STMN2: variants seen among roughly 807,000 people sequenced by gnomAD.
STMN2 encodes stathmin 2, also known as stathmin-2.
A neutral mutation model predicts 24.1 loss-of-function variants in STMN2; 2 were observed. The observed-to-expected ratio is 0.08, with a 90% CI of 0.03 to 0.26. The LOEUF (loss-of-function observed/expected upper bound fraction) is 0.26, where lower values mean the gene tolerates loss of function less well. Ranked by LOEUF, STMN2 falls within the 10% of genes least tolerant of loss-of-function variation. STMN2 has a pLI of 1.00. For missense variants in STMN2, 114 were observed against 213.6 expected (o/e 0.53, Z 2.91); for synonymous variants, 83 against 77.5 (o/e 1.07, Z -0.37).
chr8:79,647,850 C>T (rs765485467), intron 3 of STMN2, among the ~76,000 whole-genome samples: 14 of 152,154 alleles, frequency 9.2e-5, no homozygotes, highest in Non-Finnish European at 1.0e-4. Context: ...ATGCAACTGA[C>T]CCACAAGGGT....
At chr8:79,612,149 T>G (rs1809249936) in intron 1 of STMN2, among the ~76,000 whole-genome samples, 1 of 128,064 alleles carries the variant, frequency 7.8e-6, no homozygotes, top group East Asian at 2.7e-4. Context: ...AGCCCAACCC[T>G]GCGGGGACAG....
chr8:79,623,971 A>G (rs1305900942), intron 1 of STMN2, among the ~76,000 whole-genome samples: 1 of 152,182 alleles, frequency 6.6e-6, no homozygotes, highest in Non-Finnish European at 1.5e-5. Flanking sequence ...GGTAAATGAA[A>G]TTCAGTATTT....
chr8:79,627,752 T>A (rs1809692109), intron 1 of STMN2, among the ~76,000 whole-genome samples: 1 of 152,202 alleles, frequency 6.6e-6, no homozygotes, highest in African/African-American at 2.4e-5. Context: ...AGACTTTGTA[T>A]CCTTTACCAA....
chr8:79,653,927 A>G (rs984362600), intron 3 of STMN2, among the ~76,000 whole-genome samples: 7 of 152,212 alleles, frequency 4.6e-5, no homozygotes, highest in Admixed American at 2.0e-4. Context: ...AAGTTACGTA[A>G]CACATCCTGG....
chr8:79,654,939 G>A lies in STMN2; in HGVS notation c.357G>A (p.Lys119=), dbSNP rs774098163. 1.2e-6 allele frequency: 2 copies of A among 1,613,960 alleles called. No individual in the cohort carries two copies. The highest frequency in any genetic ancestry group is 3.3e-5 in the Admixed American group (2 of 60,014). Reference sequence around the variant, plus strand: ...AACACGAGCGAGAAGTCCTTCAGAAGGCTTTGGAGGAGAACAACAACTTCA... The same window carrying A: ...AACACGAGCGAGAAGTCCTTCAGAAAGCTTTGGAGGAGAACAACAACTTCA... ...KREHEREVLQ[K]ALEENNNFSK... is the part of the protein sequence containing the mutation. The change falls in exon 4 of 5, where the codon AAG becomes AAA. Residue 119 remains lysine (K), a synonymous_variant. Coordinates refer to ENST00000220876, the MANE Select transcript of STMN2 (RefSeq NM_007029.4).
At chr8:79,616,698 T>C (rs551621548) in intron 1 of STMN2, among the ~76,000 whole-genome samples, 99 of 152,374 alleles carry the variant, frequency 6.5e-4, no homozygotes, top group Non-Finnish European at 1.4e-3. Flanking sequence ...AAATCTATGG[T>C]AATCTTTACA....
At chr8:79,652,052 C>T (rs1810344580) in intron 3 of STMN2, among the ~76,000 whole-genome samples, 1 of 152,196 alleles carries the variant, frequency 6.6e-6, no homozygotes, top group Non-Finnish European at 1.5e-5. Context: ...GCAGCTGTGG[C>T]TGATGGGTAC....
In STMN2 at chr8:79,664,807, T is replaced by C; in HGVS notation, c.481-8T>C. The C allele has an allele frequency of 1.2e-6, 2 of 1,611,484 alleles. No homozygotes were observed. Among genetic ancestry groups the C allele is most frequent in the Non-Finnish European group, 1.7e-6 (2 of 1,178,608 alleles). ...TGTGACATTTCTTCTTCCTTTTGTG[T>C]TTTTTAGGAGAGGCATGCTGCGGAG... On this transcript the variant is annotated splice_region_variant and splice_polypyrimidine_tract_variant and intron_variant, in intron 4 of 4. Coordinates refer to ENST00000220876, the MANE Select transcript of STMN2 (RefSeq NM_007029.4).
chr8:79,613,372 G>T, intron 1 of STMN2: 1 of 985,332 alleles, frequency 1.0e-6, no homozygotes, highest in Non-Finnish European at 1.2e-6. Flanking sequence ...GCCGCGCCCT[G>T]CGCTCCCCTC....
intron 4 of STMN2, among the ~76,000 whole-genome samples, chr8:79,656,939 T>C (rs888520265): frequency 6.6e-6 from 1 of 152,072 alleles, no homozygotes; most frequent in Non-Finnish European, 1.5e-5. Flanking sequence ...AGTGGCACGA[T>C]CTCAGCTCAC....
At chr8:79,641,160 T>C (rs1810087414) in intron 2 of STMN2, among the ~76,000 whole-genome samples, 1 of 152,244 alleles carries the variant, frequency 6.6e-6, no homozygotes, top group Admixed American at 6.5e-5. Context: ...TTTCTCAATA[T>C]GGTAAATATT....
intron 1 of STMN2, among the ~76,000 whole-genome samples, chr8:79,623,062 C>T (rs1288628360): frequency 6.6e-6 from 1 of 152,164 alleles, no homozygotes; most frequent in African/African-American, 2.4e-5. Context: ...AGGGATCCTC[C>T]CGTTGCTTTC....
intron 3 of STMN2, among the ~76,000 whole-genome samples, chr8:79,653,848 T>TA (rs1810389253): frequency 6.6e-6 from 1 of 152,180 alleles, no homozygotes; most frequent in Non-Finnish European, 1.5e-5. Context: ...GTCTTAAACC[T>TA]AAATAGGTCA....
intron 1 of STMN2, among the ~76,000 whole-genome samples, chr8:79,613,220 A>G (rs1223591486): frequency 2.0e-5 from 3 of 150,466 alleles, no homozygotes; most frequent in African/African-American, 4.9e-5. Context: ...GGGCTTCTCT[A>G]AGGGAGACCC....
chr8:79,637,125 C>G (rs1042849348), intron 2 of STMN2, among the ~76,000 whole-genome samples: 10 of 152,192 alleles, frequency 6.6e-5, no homozygotes, highest in Admixed American at 2.0e-4. Flanking sequence ...TGGATGGATT[C>G]TTATTAACAG....
At chr8:79,624,055 A>G (rs941140527) in intron 1 of STMN2, among the ~76,000 whole-genome samples, 5 of 152,222 alleles carry the variant, frequency 3.3e-5, no homozygotes, top group Admixed American at 2.0e-4. Context: ...AAAGAATCAG[A>G]TTCCATTTGT....
At chr8:79,612,112 G>A (rs1412742841) in intron 1 of STMN2, among the ~76,000 whole-genome samples, 2 of 150,338 alleles carry the variant, frequency 1.3e-5, no homozygotes, top group Non-Finnish European at 3.0e-5. Flanking sequence ...AAGGGGGTCG[G>A]GTGGGGAGCG....
intron 1 of STMN2, chr8:79,611,877 A>T: frequency 2.0e-5 from 2 of 100,626 alleles, no homozygotes; most frequent in South Asian, 3.9e-4. Flanking sequence ...GAAGTCGCGG[A>T]GGGCGTGGAG....
intron 1 of STMN2, among the ~76,000 whole-genome samples, chr8:79,624,230 G>A (rs567556891): frequency 6.6e-6 from 1 of 151,876 alleles, no homozygotes; most frequent in Non-Finnish European, 1.5e-5. Context: ...CGAGGCGGGC[G>A]GATCACGAGG....
Sources: allele counts gnomAD v4.1 joint callset (sites outside exome capture counted in the v4.1 genomes callset), GRCh38; gene constraint gnomAD v4.1.1; transcripts MANE v1.5; gene names NCBI Gene and HGNC (gene_info 2026-07-23, HGNC 2026-07-21).